Variants in RANBP2 observed in about 807,000 individuals in gnomAD.
RANBP2 encodes the protein E3 SUMO-protein ligase RanBP2.
A neutral mutation model predicts 303.6 loss-of-function variants in RANBP2; 57 were observed. The ratio of observed to expected loss-of-function variants is 0.19; its 90% CI spans 0.15 to 0.23. The LOEUF (loss-of-function observed/expected upper bound fraction) is 0.23. Among genes scored for constraint, RANBP2 ranks in the 10% least tolerant of loss-of-function variants. The pLI is 1.00. For missense variants in RANBP2, 3,138 were observed against 3,780.8 expected, an observed-to-expected ratio of 0.83 and a Z score of 4.46; for synonymous variants, 1,167 against 1,301.5, an observed-to-expected ratio of 0.90 and a Z score of 2.23.
At chr2:109,347,056 C>T in the RANBP2 span, among the ~76,000 whole-genome samples, 27 of 152,272 alleles carry the variant, frequency 1.8e-4, no homozygotes, top group South Asian at 5.2e-3. Flanking sequence ...CTGAGTGGAA[C>T]GCTCAGCACG....
At chr2:109,636,379 C>T in the RANBP2 span, among the ~76,000 whole-genome samples, 8 of 151,980 alleles carry the variant, frequency 5.3e-5, no homozygotes, top group Non-Finnish European at 1.0e-4. Context: ...AAGAAGAACA[C>T]ATTACTTCTA....
the RANBP2 span, among the ~76,000 whole-genome samples, chr2:109,636,027 A>G: frequency 6.6e-6 from 1 of 152,200 alleles, no homozygotes; most frequent in African/African-American, 2.4e-5. Flanking sequence ...GTGCCCCTAC[A>G]GAAGAGGCCC....
At chr2:108,916,938 G>C in the RANBP2 span, among the ~76,000 whole-genome samples, 4 of 152,248 alleles carry the variant, frequency 2.6e-5, no homozygotes, top group African/African-American at 9.6e-5. Context: ...GGAGGACATG[G>C]GGATTCAGAC....
the RANBP2 span, among the ~76,000 whole-genome samples, chr2:109,591,824 G>A: frequency 6.6e-6 from 1 of 152,044 alleles, no homozygotes; most frequent in Non-Finnish European, 1.5e-5. Context: ...CTTGAACCTG[G>A]GAGGTGTAGG....
intron 1 of RANBP2, among the ~76,000 whole-genome samples, chr2:108,727,466 T>C (rs1694817533): frequency 6.6e-6 from 1 of 152,234 alleles, no homozygotes; most frequent in African/African-American, 2.4e-5. Flanking sequence ...GGAAACATGT[T>C]TCGATTGACG....
the RANBP2 span, among the ~76,000 whole-genome samples, chr2:109,492,592 C>T: frequency 6.6e-6 from 1 of 151,900 alleles, no homozygotes; most frequent in Non-Finnish European, 1.5e-5. Context: ...TGAACCTTCC[C>T]ACGAACCCTA....
At chr2:109,226,558 T>A in the RANBP2 span, among the ~76,000 whole-genome samples, 1 of 152,336 alleles carries the variant, frequency 6.6e-6, no homozygotes, top group East Asian at 1.9e-4. Context: ...TTACTGTTCT[T>A]AGGGTGACTT....
In RANBP2 at chr2:108,730,820, C is replaced by T. The variant is rs1186373693; in HGVS notation, c.187C>T (p.His63Tyr). 3.1e-6 allele frequency: 5 copies of T among 1,611,476 alleles called. No homozygotes were observed. The highest frequency in any genetic ancestry group is 2.7e-5 in the African/African-American group (2 of 74,830). The change falls in exon 3 of 29, where the codon CAC becomes TAC. Residue 63 changes from histidine (H) to tyrosine (Y), a missense_variant. This residue lies in a region of RANBP2 where 306 missense variants were observed against 381.9 expected (regional missense o/e 0.80). Transcript: ENST00000283195. ...TGTGCAAGAGAGGGATCCCAAAGCT[C>T]ACAGATTTCTGGGTCTTCTTTATGA... ...INVQERDPKA[H>Y]RFLGLLYELE...
chr2:109,256,889 T>C, the RANBP2 span, among the ~76,000 whole-genome samples: 1 of 152,196 alleles, frequency 6.6e-6, no homozygotes, highest in Non-Finnish European at 1.5e-5. Flanking sequence ...CTCTACCTAA[T>C]TGAATGGCAT....
intron 7 of RANBP2, among the ~76,000 whole-genome samples, chr2:108,744,725 T>TG (rs1343059202): frequency 2.0e-5 from 3 of 152,194 alleles, no homozygotes; most frequent in Non-Finnish European, 4.4e-5. Flanking sequence ...AAAATGAACA[T>TG]GTTTGGAAAG....
At chr2:109,738,116 T>G in the RANBP2 span, among the ~76,000 whole-genome samples, 3 of 151,826 alleles carry the variant, frequency 2.0e-5, no homozygotes, top group East Asian at 5.8e-4. Flanking sequence ...TTTGTTTTGT[T>G]GCCTGTGTTT....
the RANBP2 span, among the ~76,000 whole-genome samples, chr2:109,311,916 C>T: frequency 1.3e-5 from 2 of 152,094 alleles, no homozygotes; most frequent in East Asian, 3.9e-4. Flanking sequence ...CATGCCCTGC[C>T]AGTGGATGAG....
chr2:108,851,177 G>T, the RANBP2 span, among the ~76,000 whole-genome samples: 1 of 152,202 alleles, frequency 6.6e-6, no homozygotes, highest in African/African-American at 2.4e-5. Flanking sequence ...ACAGAGCAAG[G>T]TATAGGGGAA....
At chr2:109,287,634 G>A in the RANBP2 span, among the ~76,000 whole-genome samples, 3 of 152,246 alleles carry the variant, frequency 2.0e-5, no homozygotes, top group African/African-American at 4.8e-5. Context: ...AATGGGAGGC[G>A]GGAGGGGAAC....
chr2:109,245,124 C>T, the RANBP2 span, among the ~76,000 whole-genome samples: 3 of 152,160 alleles, frequency 2.0e-5, no homozygotes, highest in African/African-American at 7.2e-5. Context: ...ATGAGAGCCC[C>T]TCCACCATCT....
the RANBP2 span, among the ~76,000 whole-genome samples, chr2:109,774,532 TA>T: frequency 5.5e-5 from 5 of 91,686 alleles, no homozygotes; most frequent in Non-Finnish European, 9.4e-5. Flanking sequence ...TTATATATAT[TA>T]TATATAAAAT....
At chr2:109,481,543 C>CAATG in the RANBP2 span, among the ~76,000 whole-genome samples, 209 of 152,194 alleles carry the variant, frequency 1.4e-3, 1 homozygote, top group African/African-American at 4.6e-3. Context: ...GCTGTAGATG[C>CAATG]GTAGCTGGCT....
the RANBP2 span, among the ~76,000 whole-genome samples, chr2:108,961,449 C>G: frequency 2.0e-5 from 3 of 152,186 alleles, no homozygotes; most frequent in Non-Finnish European, 2.9e-5. Context: ...GGACCAGCCA[C>G]CCTCCTTGGC....
chr2:109,154,822 C>T, the RANBP2 span, among the ~76,000 whole-genome samples: 1 of 152,184 alleles, frequency 6.6e-6, no homozygotes, highest in East Asian at 1.9e-4. Flanking sequence ...ATAGAGCCTT[C>T]TGAAGCCCCA....
Sources: allele counts gnomAD v4.1 joint callset (sites outside exome capture counted in the v4.1 genomes callset), GRCh38; gene constraint gnomAD v4.1.1; regional missense constraint gnomAD v4.1.1; transcripts MANE v1.5; gene names NCBI Gene and HGNC (gene_info 2026-07-23, HGNC 2026-07-21).